CSMD3: variants seen among roughly 807,000 people sequenced by gnomAD.
CSMD3 encodes the protein CUB and Sushi multiple domains 3, also known as CUB and sushi domain-containing protein 3.
Under a neutral mutation model 435.2 loss-of-function variants are expected in CSMD3, and 177 were observed. The ratio of observed to expected loss-of-function variants is 0.41; its 90% CI spans 0.36 to 0.46. CSMD3 has a LOEUF of 0.46. CSMD3 is among the 20% of genes least tolerant of loss of function. The pLI, the probability that CSMD3 is intolerant of heterozygous loss-of-function variation, is 0.34. For synonymous variants in CSMD3, 1,656 were observed against 1,520.5 expected, an observed-to-expected ratio of 1.09 and a Z score of -2.07; for missense variants, 4,265 against 4,504.6, an observed-to-expected ratio of 0.95 and a Z score of 1.52.
At chr8:112,565,884 G>A (rs1038708770) in intron 24 of CSMD3, among the ~76,000 whole-genome samples, 7 of 151,890 alleles carry the variant, frequency 4.6e-5, no homozygotes, top group African/African-American at 1.2e-4. Context: ...TCAACAAATA[G>A]AGTTTAGAGA....
intron 41 of CSMD3, among the ~76,000 whole-genome samples, chr8:112,342,452 A>G (rs779858020): frequency 1.3e-5 from 2 of 152,130 alleles, no homozygotes; most frequent in Admixed American, 6.5e-5. Flanking sequence ...ATTATTTGTA[A>G]TAAAATCTGA....
At chr8:113,136,974 A>G (rs879232155) in intron 4 of CSMD3, among the ~76,000 whole-genome samples, 1 of 151,738 alleles carries the variant, frequency 6.6e-6, no homozygotes, top group Admixed American at 6.6e-5. Context: ...CACAGAAATA[A>G]ATTTGTGTAT....
chr8:112,249,197 A>C (rs1815038030), intron 63 of CSMD3, among the ~76,000 whole-genome samples: 1 of 152,000 alleles, frequency 6.6e-6, no homozygotes, highest in South Asian at 2.1e-4. Context: ...CCCTTCATTC[A>C]CTTCACCACC....
At chr8:113,045,063 C>T (rs1404554024) in intron 5 of CSMD3, among the ~76,000 whole-genome samples, 1 of 148,982 alleles carries the variant, frequency 6.7e-6, no homozygotes, top group South Asian at 2.1e-4. Context: ...GTGCAACGAT[C>T]TAAAAATCCC....
chr8:112,260,856 G>A (rs1816317983), intron 61 of CSMD3, among the ~76,000 whole-genome samples: 1 of 152,006 alleles, frequency 6.6e-6, no homozygotes, highest in Non-Finnish European at 1.5e-5. Flanking sequence ...AATGAGAACA[G>A]TATATACTAT....
chr8:112,794,174 A>T (rs1164750276), intron 13 of CSMD3, among the ~76,000 whole-genome samples: 1 of 152,210 alleles, frequency 6.6e-6, no homozygotes, highest in East Asian at 1.9e-4. Context: ...ATTAAAAAAA[A>T]GTTATACCAG....
intron 58 of CSMD3, among the ~76,000 whole-genome samples, chr8:112,286,706 G>GC (rs1819238748): frequency 6.6e-6 from 1 of 152,064 alleles, no homozygotes; most frequent in Non-Finnish European, 1.5e-5. Context: ...GGTAGTATCT[G>GC]CGTTTTCAGG....
chr8:113,317,360 G>A (rs1178648079), intron 1 of CSMD3, among the ~76,000 whole-genome samples: 2 of 151,998 alleles, frequency 1.3e-5, no homozygotes, highest in Admixed American at 6.5e-5. Flanking sequence ...TCTGATCTAC[G>A]GGCTGTTTTA....
chr8:112,454,882 C>T (rs901129508), intron 32 of CSMD3, among the ~76,000 whole-genome samples: 5 of 151,524 alleles, frequency 3.3e-5, no homozygotes, highest in African/African-American at 1.2e-4. Context: ...TGTGTCTCTA[C>T]AAAATATTTA....
At chr8:112,225,793 T>G (rs1255813766) in intron 70 of CSMD3, among the ~76,000 whole-genome samples, 1 of 152,140 alleles carries the variant, frequency 6.6e-6, no homozygotes, top group African/African-American at 2.4e-5. Context: ...CTACTAACAA[T>G]TAGTTAACCA....
At chr8:112,804,671 TTTTA>T (rs869050168) in intron 12 of CSMD3, among the ~76,000 whole-genome samples, 2,134 of 143,586 alleles carry the variant, frequency 0.015, 38 homozygotes, top group African/African-American at 0.041. Context: ...TTTTATTTTA[TTTTA>T]TTTTTTTTGA....
At chr8:112,458,884 C>T (rs577766075) in intron 32 of CSMD3, among the ~76,000 whole-genome samples, 2 of 152,146 alleles carry the variant, frequency 1.3e-5, no homozygotes, top group Non-Finnish European at 2.9e-5. Flanking sequence ...ATATCACTTG[C>T]TCCTTTCTAC....
In CSMD3 at chr8:112,506,759, C is replaced by A. The variant is rs759561978; in HGVS notation, c.4827G>T (p.Pro1609=). ...ILSPNFPHPY[P]HSRDCDWTIT... ...TAGTCCAGTCACAGTCTCTGCTATG[C>A]GGATATGGATGAGGGAAGTTTGGTG... The change falls in exon 29 of 71, where the codon CCG becomes CCT. Residue 1609 remains proline (P), a synonymous_variant. Transcript: ENST00000297405. 2.5e-6 allele frequency: 4 copies of A among 1,612,978 alleles called. No homozygotes were observed. The highest frequency in any genetic ancestry group is 1.6e-4 in the Middle Eastern group (1 of 6,080).
chr8:113,305,297 A>G (rs1429506197), intron 2 of CSMD3, among the ~76,000 whole-genome samples: 1 of 152,152 alleles, frequency 6.6e-6, no homozygotes, highest in Non-Finnish European at 1.5e-5. Context: ...AACTTAAAGT[A>G]TAATAATAAT....
At position 112,223,279 on chromosome 8, in the gene CSMD3, ATGT is replaced by A. The variant is rs1017212028; in HGVS notation, c.*1489_*1491del. On this transcript the variant is annotated 3_prime_UTR_variant, in exon 71 of 71. Transcript: ENST00000297405. ...AAGTGGTTTACAAGAAATTCATTAA[ATGT>A]TGTAGAGATAGAGCCAAGCAGCGCT... is the stretch of plus-strand genomic sequence containing the variant. The A allele has an allele frequency of 7.5e-5, 28 of 375,716 alleles. 1 individual carries two copies. The highest frequency in any genetic ancestry group is 5.6e-4 in the African/African-American group (27 of 48,234). The allele number at this position is 375,716 out of a possible 1,614,324, so 23.3% of individuals were successfully genotyped here.
chr8:112,296,556 A>AT (rs58020936), intron 53 of CSMD3, among the ~76,000 whole-genome samples: 4,474 of 149,358 alleles, frequency 0.03, 228 homozygotes, highest in African/African-American at 0.1. Flanking sequence ...CCTCAAAAAA[A>AT]AAATAAATAA....
intron 35 of CSMD3, among the ~76,000 whole-genome samples, chr8:112,399,662 A>G (rs1227238433): frequency 6.6e-6 from 1 of 152,144 alleles, no homozygotes. Context: ...CAAATATTCA[A>G]TTTCATTGTT....
chr8:112,840,088 T>G (rs559997987), intron 11 of CSMD3, among the ~76,000 whole-genome samples: 2 of 151,820 alleles, frequency 1.3e-5, no homozygotes, highest in East Asian at 3.9e-4. Context: ...GACAAGCAAC[T>G]TAGGCAGGAG....
intron 8 of CSMD3, among the ~76,000 whole-genome samples, chr8:112,954,255 G>C (rs552538821): frequency 5.9e-5 from 9 of 151,316 alleles, no homozygotes; most frequent in African/African-American, 2.2e-4. Flanking sequence ...TGTTTTTTCT[G>C]AAATGAAAAT....
Sources: allele counts gnomAD v4.1 joint callset (sites outside exome capture counted in the v4.1 genomes callset), GRCh38; gene constraint gnomAD v4.1.1; transcripts MANE v1.5; gene names NCBI Gene and HGNC (gene_info 2026-07-23, HGNC 2026-07-21).